Variants in SHCBP1 observed in about 807,000 individuals in gnomAD.
The protein encoded by SHCBP1 is SHC binding and spindle associated 1.
In SHCBP1, 60 loss-of-function variants were observed where a neutral mutation model predicts 75.1. The observed-to-expected ratio is 0.80, with a 90% CI of 0.65 to 0.99. The LOEUF (loss-of-function observed/expected upper bound fraction) is 0.99, where lower values mean the gene tolerates loss of function less well. Ranked by LOEUF, SHCBP1 falls within the 50% of genes least tolerant of loss-of-function variation. The pLI is 0.00. For missense variants in SHCBP1, 709 were observed against 809.4 expected (o/e 0.88, Z 1.50); for synonymous variants, 290 against 293.2 (o/e 0.99, Z 0.11).
intron 8 of SHCBP1, among the ~76,000 whole-genome samples, chr16:46,602,688 T>C (rs544855834): frequency 2.0e-5 from 3 of 152,324 alleles, no homozygotes; most frequent in African/African-American, 7.2e-5. Context: ...TGAAGCATAG[T>C]AGTATGATCT....
chr16:46,606,535 ATT>A (rs1965328743), intron 5 of SHCBP1, among the ~76,000 whole-genome samples: 1 of 152,098 alleles, frequency 6.6e-6, no homozygotes, highest in African/African-American at 2.4e-5. Flanking sequence ...TCAGAATACA[ATT>A]TTTTTCCAAG....
At chr16:46,605,803 A>G (rs1596683536) in intron 5 of SHCBP1, among the ~76,000 whole-genome samples, 1 of 152,184 alleles carries the variant, frequency 6.6e-6, no homozygotes, top group South Asian at 2.1e-4. Flanking sequence ...AGATAGAACC[A>G]TATCTTAAAC....
chr16:46,618,338 A>T lies in SHCBP1; in HGVS notation c.138T>A (p.Cys46Ter). The T allele has an allele frequency of 1.2e-6, 2 of 1,611,840 alleles. No homozygotes were observed. The highest frequency in any genetic ancestry group is 1.7e-6 in the Non-Finnish European group (2 of 1,179,416). ...LFQDEDSCSD[C>*]SYRDKPGSSL... Reference sequence around the variant, plus strand: ...TAGAACCTGGTTTATCACGGTAGCTACAATCACTGCATGAATCTTCATCTT... The same window carrying T: ...TAGAACCTGGTTTATCACGGTAGCTTCAATCACTGCATGAATCTTCATCTT... Residue 46 changes from cysteine (C) to a stop codon, truncating the protein, a stop_gained, in exon 2 of 13, where the codon TGT (cysteine) becomes TGA (stop). Transcript: ENST00000303383. LOFTEE classifies it high-confidence loss of function.
At chr16:46,621,073 T>G (rs1965581347) in intron 1 of SHCBP1, among the ~76,000 whole-genome samples, 184 bp downstream of exon 1, 2 of 150,140 alleles carry the variant, frequency 1.3e-5, no homozygotes, top group East Asian at 2.0e-4. Context: ...AGAGAGGGAG[T>G]CCCCCACCCC....
chr16:46,605,367 T>C (rs1965309590), intron 5 of SHCBP1, among the ~76,000 whole-genome samples: 1 of 152,154 alleles, frequency 6.6e-6, no homozygotes, highest in Non-Finnish European at 1.5e-5. Flanking sequence ...GGCAGGCAGA[T>C]CACTTGAGCC....
chr16:46,604,525 A>T, intron 5 of SHCBP1, 64 bp from the exon 6 acceptor site: 1 of 1,094,592 alleles, frequency 9.1e-7, no homozygotes, highest in Non-Finnish European at 1.4e-6. Flanking sequence ...TCATTAAAAC[A>T]GCCCACTTAG....
Position 46,608,240 on chromosome 16 carries a change from AAACCATGGGT to A in SHCBP1, c.689+47_689+56del, listed in dbSNP as rs962984448. 1.9e-5 allele frequency: 23 copies of A among 1,238,820 alleles called. No homozygotes were observed. The Admixed American group carries it at 2.1e-4, about 11-fold the overall frequency. The allele number at this position is 1,238,820 out of a possible 1,614,324, so 76.7% of individuals were successfully genotyped here. A position where few individuals can be genotyped will look rare whatever the true frequency, so the allele number is the denominator to read the frequency against. ...GTGTGTATCTCACACAGGCAAAATTAAACCATGGGTAACTATTTTTCCAACATGTACAACA... is the reference window on the plus strand; with the variant it reads ...GTGTGTATCTCACACAGGCAAAATTAAACTATTTTTCCAACATGTACAACA... On this transcript the variant is annotated intron_variant, in intron 5 of 12. Coordinates refer to ENST00000303383, the MANE Select transcript of SHCBP1 (RefSeq NM_024745.5).
At chr16:46,584,145 G>T in intron 10 of SHCBP1, 56 bp from the exon 11 acceptor site, 1 of 1,277,972 alleles carries the variant, frequency 7.8e-7, no homozygotes, top group South Asian at 1.3e-5. Flanking sequence ...AAGACTATAA[G>T]AGTTTATTAC....
At position 46,602,755 on chromosome 16, in the gene SHCBP1, C is replaced by A. The variant is rs1279640589; in HGVS notation, c.1213+784G>T. ...AAGCGATTGTTCTGCCTCAGCCTCC[C>A]AAGTAGCTGGGATTACAGGCGTGCA... is the stretch of plus-strand genomic sequence containing the variant. On this transcript the variant is annotated intron_variant, in intron 8 of 12. Coordinates refer to ENST00000303383, the MANE Select transcript of SHCBP1 (RefSeq NM_024745.5). Among the ~76,000 whole-genome samples the A allele has an allele frequency of 2.6e-5, 4 of 152,202 alleles. No homozygotes were observed. In the East Asian group the frequency reaches 7.7e-4, roughly 29 times the overall value.
Position 46,616,337 on chromosome 16 carries a change from G to A in SHCBP1, c.388-183C>T, listed in dbSNP as rs1159146324. Among the ~76,000 whole-genome samples, 1 of 152,116 alleles carries A rather than the reference G, an allele frequency of 6.6e-6. No individual in the cohort carries two copies. The highest frequency in any genetic ancestry group is 1.5e-5 in the Non-Finnish European group (1 of 68,012). On this transcript the variant is annotated intron_variant, in intron 3 of 12. Transcript: ENST00000303383. The surrounding 1 kb of genome is among the most constrained non-coding windows in gnomAD (Gnocchi z 4.4). ...CTCATGGAGCTTACACTGTAATCAG[G>A]GAGATCAACAAACACAATGATAACC...
At chr16:46,598,069 G>A (rs1965171314) in intron 9 of SHCBP1, among the ~76,000 whole-genome samples, 1 of 152,122 alleles carries the variant, frequency 6.6e-6, no homozygotes, top group Non-Finnish European at 1.5e-5. Context: ...CACCACATCT[G>A]CAGTTACTTC....
Position 46,610,900 on chromosome 16 carries a change from A to G in SHCBP1, c.597-2511T>C, listed in dbSNP as rs553132292. 3.9e-5 allele frequency among the ~76,000 whole-genome samples: 6 copies of G among 152,202 alleles called. No homozygotes were observed. In the East Asian group the frequency reaches 1.2e-3, roughly 29 times the overall value. On this transcript the variant is annotated intron_variant, in intron 4 of 12. Transcript: ENST00000303383. Reference sequence around the variant, plus strand: ...ATGTTATTTCTAGTAAACTGACAGTAAGATCTACAGACCTGCAGGCCTTCA... The same window carrying G: ...ATGTTATTTCTAGTAAACTGACAGTGAGATCTACAGACCTGCAGGCCTTCA...
At chr16:46,596,240 T>G (rs1052970184) in intron 9 of SHCBP1, among the ~76,000 whole-genome samples, 23 of 152,184 alleles carry the variant, frequency 1.5e-4, no homozygotes, top group East Asian at 1.2e-3. Flanking sequence ...ATGCGGTAGC[T>G]CACACCTGTA....
chr16:46,600,523 T>G (rs1965216300), intron 8 of SHCBP1, among the ~76,000 whole-genome samples: 1 of 152,202 alleles, frequency 6.6e-6, no homozygotes, highest in East Asian at 1.9e-4. Flanking sequence ...CAAAGAACTT[T>G]AAAGCACTCA....
At position 46,580,707 on chromosome 16, in the gene SHCBP1, G is replaced by A. The variant is rs1256791264; in HGVS notation, c.*1022C>T. On this transcript the variant is annotated 3_prime_UTR_variant, in exon 13 of 13. Coordinates refer to ENST00000303383, the MANE Select transcript of SHCBP1 (RefSeq NM_024745.5). ...ACAGTTAATCATTTTGACTGTGTCA[G>A]TAATATAATCAGAATACTGTAACGG... 6.6e-6 allele frequency: 1 copy of A among 151,944 alleles called. No individual in the cohort carries two copies. The highest frequency in any genetic ancestry group is 1.9e-4 in the East Asian group (1 of 5,190). 9.4% of individuals were successfully genotyped at this position (151,944 alleles called of 1,614,324 possible). A position where few individuals can be genotyped will look rare whatever the true frequency, so the allele number is the denominator to read the frequency against.
chr16:46,603,551 T>C lies in SHCBP1; in HGVS notation c.1201A>G (p.Ile401Val). ...VHGTFSIADSIELEGYGLPDD... is the reference protein window; with the variant it reads ...VHGTFSIADSVELEGYGLPDD... ...CTTCCATACTCACCTTCCAACTCAA[T>C]GGAGTCAGCAATGGAGAAAGTGCCA... The change falls in exon 8 of 13, where the codon ATT (isoleucine) becomes GTT (valine). Residue 401 changes from isoleucine (I) to valine (V), a missense_variant. By Grantham distance (29) the Ile-to-Val change is conservative (BLOSUM62 3). Transcript: ENST00000303383. 6.2e-7 allele frequency: 1 copy of C among 1,614,144 alleles called. No individual in the cohort carries two copies. Among genetic ancestry groups the C allele is most frequent in the South Asian group, 1.1e-5 (1 of 91,082 alleles).
At chr16:46,587,940 A>G (rs1964978640) in intron 10 of SHCBP1, among the ~76,000 whole-genome samples, 1 of 152,246 alleles carries the variant, frequency 6.6e-6, no homozygotes, top group Admixed American at 6.5e-5. Flanking sequence ...CAAATATAAA[A>G]GAACAGAAAT....
intron 10 of SHCBP1, chr16:46,584,299 CCACA>C (rs71158873): frequency 0.14 from 34,109 of 248,422 alleles, 2,210 homozygotes; most frequent in African/African-American, 0.2. Flanking sequence ...ATTTTCAAAA[CCACA>C]CACACACACA....
intron 2 of SHCBP1, 82 bp downstream of exon 2, chr16:46,618,123 C>T (rs553405720): frequency 4.3e-4 from 598 of 1,375,030 alleles, no homozygotes; most frequent in Non-Finnish European, 5.6e-4. Context: ...TTGCGGTGAG[C>T]CGAGATCGCA....
Sources: gnomAD v4.1 joint callset for allele counts (sites outside exome capture counted in the v4.1 genomes callset) on GRCh38, gnomAD v4.1.1 for gene constraint, Gnocchi (gnomAD v3.1) non-coding constraint, MANE v1.5 for transcripts, NCBI Gene and HGNC (gene_info 2026-07-23, HGNC 2026-07-21) for gene names.